MDC1: variants seen among roughly 807,000 people sequenced by gnomAD.
MDC1 encodes mediator of DNA damage checkpoint 1.
MDC1 carries 81 observed loss-of-function variants against 142.5 expected under a neutral mutation model. The ratio of observed to expected loss-of-function variants is 0.57; its 90% confidence interval spans 0.47 to 0.68. The LOEUF (loss-of-function observed/expected upper bound fraction) is 0.68, where lower values mean the gene tolerates loss of function less well. Ranked by LOEUF, MDC1 falls within the 30% of genes least tolerant of loss-of-function variation. The pLI, the probability that MDC1 is intolerant of heterozygous loss-of-function variation, is 0.00. For synonymous variants in MDC1, 797 were observed against 968.4 expected (o/e 0.82, Z 3.29); for missense variants, 2,119 against 2,547.9 (o/e 0.83, Z 3.62).
chr6:30,711,942 TG>T lies in MDC1; in HGVS notation c.1999del (p.Gln667ArgfsTer58). On this transcript the variant is annotated frameshift_variant, in exon 5 of 15. Transcript: ENST00000376406. LOFTEE classifies it high-confidence loss of function. ...TTCTCTCTCCCTTCCTGTGGGGACC[TG>T]GGCTCCCTCTCTCTGTGGCTGGGTG... ...ESTQPQREGA[Q>X]VPTGREREQH... The T allele has an allele frequency of 6.4e-7, 1 of 1,557,246 alleles. No homozygotes were observed. The highest frequency in any genetic ancestry group is 8.7e-7 in the Non-Finnish European group (1 of 1,154,640).
At position 30,712,413 on chromosome 6, in the gene MDC1, A is replaced by G. The variant is rs1255449293; in HGVS notation, c.1529T>C (p.Leu510Pro). 6.2e-7 allele frequency: 1 copy of G among 1,612,924 alleles called. No individual in the cohort carries two copies. The highest frequency in any genetic ancestry group is 8.5e-7 in the Non-Finnish European group (1 of 1,180,026). The change falls in exon 5 of 15, where the codon CTG (leucine) becomes CCG (proline). Residue 510 changes from leucine to proline, a missense_variant. Transcript: ENST00000376406. This position sits in a 1 kb window ranked among gnomAD's most constrained non-coding sequence, Gnocchi z 4.7. ...EADKSSPGIH[L>P]ERSQASTTVD... ...TGTGGTGGAGGCTTGGCTTCTCTCC[A>G]GGTGGATCCCAGGTGAGCTCTTATC...
In MDC1 at chr6:30,715,282, G is replaced by C; in HGVS notation, c.-3-104C>G. 1 of 1,199,578 alleles carries C rather than the reference G, an allele frequency of 8.3e-7. No homozygotes were observed. Among genetic ancestry groups the C allele is most frequent in the Non-Finnish European group, 1.2e-6 (1 of 822,244 alleles). 74.3% of individuals were successfully genotyped at this position (1,199,578 alleles called of 1,614,324 possible). ...GGGGGTAAACTGGATCATTATGAAC[G>C]TTGATGCTTCTCTTTCCACCAATCT... On this transcript the variant is annotated intron_variant, in intron 1 of 14. Transcript: ENST00000376406. This position sits in a 1 kb window ranked among gnomAD's most constrained non-coding sequence, Gnocchi z 4.1.
rs1490292528 is a variant in MDC1 at position 30,717,274 on chromosome 6, TA to T, written c.-34del. ...TTTAAGTCCCCGCGCGCGCCACCAG[TA>T]ACGGTCGCGACCCAGGTGGAGCGAC... On this transcript the variant is annotated 5_prime_UTR_variant, in exon 1 of 15. Coordinates refer to ENST00000376406, the MANE Select transcript of MDC1 (RefSeq NM_014641.3). 1 of 152,118 alleles carries T rather than the reference TA, an allele frequency of 6.6e-6. No homozygotes were observed. Among genetic ancestry groups the T allele is most frequent in the Non-Finnish European group, 1.5e-5 (1 of 68,016 alleles). 9.4% of individuals were successfully genotyped at this position (152,118 alleles called of 1,614,324 possible).
intron 6 of MDC1, 57 bp downstream of exon 6, chr6:30,711,610 C>T: frequency 6.2e-7 from 1 of 1,605,658 alleles, no homozygotes; most frequent in Non-Finnish European, 8.5e-7. Context: ...CAAGGACCAC[C>T]AGTCTAATCT....
chr6:30,700,591 A>G lies in MDC1; in HGVS notation c.6144T>C (p.His2048=). ...GCCCAACCCGTAGTGGAATGGAGCA[A>G]TGAGGGAAGTCCTGAGGGCATGTGA... ...VVITCPQDFP[H]CSIPLRVGLP... is the part of the protein sequence containing the mutation. Residue 2048 remains histidine, a synonymous_variant, in exon 15 of 15, where the codon CAT becomes CAC. Transcript: ENST00000376406. The G allele has an allele frequency of 6.2e-7, 1 of 1,612,986 alleles. No homozygotes were observed. Among genetic ancestry groups the G allele is most frequent in the Non-Finnish European group, 8.5e-7 (1 of 1,180,004 alleles).
chr6:30,703,460 G>A lies in MDC1; in HGVS notation c.5640C>T (p.Ser1880=). ...CTTGGTTAAGTTTGGTCCGTCGGAG[G>A]CTGCGGCTTGGTATTCTGTTGGGCT... is the stretch of plus-strand genomic sequence containing the variant. ...EEEPNRIPSR[S]LRRTKLNQES... The change falls in exon 11 of 15, where the codon AGC becomes AGT. Residue 1880 remains serine (S), a synonymous_variant. Coordinates refer to ENST00000376406, the MANE Select transcript of MDC1 (RefSeq NM_014641.3). The surrounding 1 kb of genome is among the most constrained non-coding windows in gnomAD (Gnocchi z 4.4). The A allele has an allele frequency of 1.2e-6, 2 of 1,613,948 alleles. No individual in the cohort carries two copies. The highest frequency in any genetic ancestry group is 2.2e-5 in the East Asian group (1 of 44,876).
Position 30,712,364 on chromosome 6 carries a change from C to T in MDC1, c.1578G>A (p.Glu526=). ...STTVDINTQV[E]KEVPPGSAII... Reference sequence around the variant, plus strand: ...TGGCTGACCCTGGCGGGACTTCCTTCTCCACTTGTGTGTTGATGTCCACTG... The same window carrying T: ...TGGCTGACCCTGGCGGGACTTCCTTTTCCACTTGTGTGTTGATGTCCACTG... Residue 526 remains glutamate, a synonymous_variant, in exon 5 of 15, where the codon GAG becomes GAA. Transcript: ENST00000376406. This position sits in a 1 kb window ranked among gnomAD's most constrained non-coding sequence, Gnocchi z 4.7. 1 of 1,613,122 alleles carries T rather than the reference C, an allele frequency of 6.2e-7. No individual in the cohort carries two copies. Among genetic ancestry groups the T allele is most frequent in the Non-Finnish European group, 8.5e-7 (1 of 1,180,048 alleles).
chr6:30,702,617 T>A lies in MDC1; in HGVS notation c.6038A>T (p.Gln2013Leu). The change falls in exon 14 of 15, where the codon CAG becomes CTG. Residue 2013 changes from glutamine (Q) to leucine (L), a missense_variant. Transcript: ENST00000376406. ...VTPGVQPPPP[Q>L]MGEIISCCGG... ...ACAGCAGCTAATAATCTCTCCCATCTGAGGTGGTGGTGGCTGGACTCCAGG... is the reference window on the plus strand; with the variant it reads ...ACAGCAGCTAATAATCTCTCCCATCAGAGGTGGTGGTGGCTGGACTCCAGG... 1 of 1,611,656 alleles carries A rather than the reference T, an allele frequency of 6.2e-7. No individual in the cohort carries two copies. Among genetic ancestry groups the A allele is most frequent in the Admixed American group, 1.7e-5 (1 of 59,878 alleles).
In MDC1 at chr6:30,713,769, T is replaced by C; in HGVS notation, c.517+34A>G. The C allele has an allele frequency of 6.2e-7, 1 of 1,613,552 alleles. No homozygotes were observed. Among genetic ancestry groups the C allele is most frequent in the Non-Finnish European group, 8.5e-7 (1 of 1,179,588 alleles). On this transcript the variant is annotated intron_variant, in intron 3 of 14. Coordinates refer to ENST00000376406, the MANE Select transcript of MDC1 (RefSeq NM_014641.3). The surrounding 1 kb of genome is among the most constrained non-coding windows in gnomAD (Gnocchi z 4.9). ...GACAATTGTACACTCATTATTCCTG[T>C]CTCCTCATTCTCCCTGCCAATATAC...
chr6:30,707,863 G>T lies in MDC1; in HGVS notation c.2716C>A (p.Gln906Lys). Reference sequence around the variant, plus strand: ...GCTTTGCTTGGAAGGGTCTGCTTCTGTACTTGTTTCTCTTGTATTTCCTCA... The same window carrying T: ...GCTTTGCTTGGAAGGGTCTGCTTCTTTACTTGTTTCTCTTGTATTTCCTCA... Reference protein sequence around the residue: ...TSEEIQEKQVQKQTLPSKAFE... With the variant: ...TSEEIQEKQVKKQTLPSKAFE... The change falls in exon 8 of 15, where the codon CAG (glutamine) becomes AAG (lysine). Residue 906 changes from glutamine (Q) to lysine (K), a missense_variant. Transcript: ENST00000376406. The T allele has an allele frequency of 6.2e-7, 1 of 1,613,088 alleles. No individual in the cohort carries two copies. The highest frequency in any genetic ancestry group is 2.2e-5 in the East Asian group (1 of 44,882).
rs1270731396 is a variant in MDC1, at chr6:30,703,435, C to T, written c.5665G>A (p.Glu1889Lys). The change falls in exon 11 of 15, where the codon GAA (glutamate) becomes AAA (lysine). Residue 1889 changes from glutamate (E) to lysine (K), a missense_variant. Transcript: ENST00000376406. This position sits in a 1 kb window ranked among gnomAD's most constrained non-coding sequence, Gnocchi z 4.4. ...RSLRRTKLNQ[E>K]STAPKVLFTG... ...TCTCTTACTTTGGGGGCTGTTGATT[C>T]TTGGTTAAGTTTGGTCCGTCGGAGG... The T allele has an allele frequency of 8.1e-6, 13 of 1,613,854 alleles. No individual in the cohort carries two copies. Among genetic ancestry groups the T allele is most frequent in the African/African-American group, 8.0e-5 (6 of 74,920 alleles).
rs1171780064 is a variant in MDC1 at position 30,713,748 on chromosome 6, A to T, written c.518-31T>A. On this transcript the variant is annotated intron_variant, in intron 3 of 14. Transcript: ENST00000376406. The surrounding 1 kb of genome is among the most constrained non-coding windows in gnomAD (Gnocchi z 4.9). ...AAGAACAGAAAGGAATGAGTTGACA[A>T]TTGTACACTCATTATTCCTGTCTCC... 1.9e-6 allele frequency: 3 copies of T among 1,613,886 alleles called. No individual in the cohort carries two copies. The highest frequency in any genetic ancestry group is 2.5e-6 in the Non-Finnish European group (3 of 1,179,926).
At chr6:30,701,032 G>A (rs559692569) in intron 14 of MDC1, among the ~76,000 whole-genome samples, 2 of 143,812 alleles carry the variant, frequency 1.4e-5, no homozygotes, top group African/African-American at 5.2e-5. Context: ...CCGAGATCGC[G>A]CCACTGCACT....
At position 30,706,042 on chromosome 6, in the gene MDC1, G is replaced by C; in HGVS notation, c.3141C>G (p.Ala1047=). Reference sequence around the variant, plus strand: ...GAGAGTTAAGGGGCTTTTGGGGTGGGGCTGGGGCTTCAGGTACTGTAGGAG... The same window carrying C: ...GAGAGTTAAGGGGCTTTTGGGGTGGCGCTGGGGCTTCAGGTACTGTAGGAG... The part of the protein sequence containing the change: ...CLPPTVPEAP[A]PPQKPLNSQS... The change falls in exon 10 of 15, where the codon GCC becomes GCG. Residue 1047 remains alanine, a synonymous_variant. Transcript: ENST00000376406. The C allele has an allele frequency of 6.2e-7, 1 of 1,602,432 alleles. No individual in the cohort carries two copies. The highest frequency in any genetic ancestry group is 8.5e-7 in the Non-Finnish European group (1 of 1,179,604).
rs762396598 is a variant in MDC1, at chr6:30,707,716, T to G, written c.2863A>C (p.Ser955Arg). The change falls in exon 8 of 15, where the codon AGC becomes CGC. Residue 955 changes from serine (S) to arginine (R), a missense_variant. Ser to Arg is a moderately radical substitution (Grantham distance 110). Coordinates refer to ENST00000376406, the MANE Select transcript of MDC1 (RefSeq NM_014641.3). ...GAGGCCTGCCCTTTCTGGTCCTGGC[T>G]CCCTCCCTCTGGCTCCCCTCTCTGT... ...DTQRGEPEGG[S>R]QDQKGQASSP... 1.9e-6 allele frequency: 3 copies of G among 1,612,878 alleles called. No homozygotes were observed. The highest frequency in any genetic ancestry group is 2.5e-6 in the Non-Finnish European group (3 of 1,180,032).
Position 30,708,294 on chromosome 6 carries a change from T to C in MDC1, c.2285A>G (p.Asp762Gly). ...TQPFCLRESE[D>G]SETQPFDTHL... The stretch of plus-strand genomic sequence containing the variant: ...CGTGTCAAAAGGCTGGGTCTCAGAG[T>C]CCTCAGACTCTCTCAGACAGAATGG... The change falls in exon 8 of 15, where the codon GAC becomes GGC. Residue 762 changes from aspartate to glycine, a missense_variant. Physicochemically the swap from Asp to Gly is moderately conservative, Grantham distance 94 (BLOSUM62 -1). Coordinates refer to ENST00000376406, the MANE Select transcript of MDC1 (RefSeq NM_014641.3). 1 of 1,612,534 alleles carries C rather than the reference T, an allele frequency of 6.2e-7. No homozygotes were observed. The highest frequency in any genetic ancestry group is 8.5e-7 in the Non-Finnish European group (1 of 1,179,968).
chr6:30,707,645 T>G lies in MDC1; in HGVS notation c.2934A>C (p.Gly978=). Residue 978 remains glycine (G), a synonymous_variant, in exon 8 of 15, where the codon GGA becomes GGC. Coordinates refer to ENST00000376406, the MANE Select transcript of MDC1 (RefSeq NM_014641.3). The part of the protein sequence containing the change: ...EPGVGAGDLP[G]PTSAPVPSGS... ...CAGAAGGTACGGGGGCTGAGGTAGG[T>G]CCCGGAAGGTCCCCCGCCCCCACCC... 6.2e-7 allele frequency: 1 copy of G among 1,612,956 alleles called. No individual in the cohort carries two copies. Among genetic ancestry groups the G allele is most frequent in the Non-Finnish European group, 8.5e-7 (1 of 1,179,994 alleles).
In MDC1 at chr6:30,716,814, G is replaced by T; in HGVS notation, c.-4+431C>A. ...TGAAATCGACCCTGCCCTCGGGAAGGCTCATCACCGAGCCTACTGATGAAG... is the reference window on the plus strand; with the variant it reads ...TGAAATCGACCCTGCCCTCGGGAAGTCTCATCACCGAGCCTACTGATGAAG... On this transcript the variant is annotated intron_variant, in intron 1 of 14. Coordinates refer to ENST00000376406, the MANE Select transcript of MDC1 (RefSeq NM_014641.3). This position sits in a 1 kb window ranked among gnomAD's most constrained non-coding sequence, Gnocchi z 4.4. 1.4e-6 allele frequency: 1 copy of T among 713,830 alleles called. No homozygotes were observed. Among genetic ancestry groups the T allele is most frequent in the Non-Finnish European group, 1.7e-6 (1 of 581,912 alleles). The allele number at this position is 713,830 out of a possible 1,614,324, so 44.2% of individuals were successfully genotyped here.
Position 30,715,164 on chromosome 6 carries a change from G to A in MDC1, c.12C>T (p.Thr4=). The A allele has an allele frequency of 1.2e-6, 2 of 1,613,934 alleles. No individual in the cohort carries two copies. The highest frequency in any genetic ancestry group is 1.3e-5 in the African/African-American group (1 of 74,938). Residue 4 remains threonine, a synonymous_variant, in exon 2 of 15, where the codon ACC becomes ACT. Coordinates refer to ENST00000376406, the MANE Select transcript of MDC1 (RefSeq NM_014641.3). The surrounding 1 kb of genome is among the most constrained non-coding windows in gnomAD (Gnocchi z 4.1). MED[T]QAIDWDVEEE... Reference sequence around the variant, plus strand: ...CTTCAACATCCCAGTCAATAGCCTGGGTGTCCTCCATGATCTGGGAAGGAT... The same window carrying A: ...CTTCAACATCCCAGTCAATAGCCTGAGTGTCCTCCATGATCTGGGAAGGAT...
Sources: allele counts gnomAD v4.1 joint callset (sites outside exome capture counted in the v4.1 genomes callset), GRCh38; gene constraint gnomAD v4.1.1; non-coding constraint Gnocchi (gnomAD v3.1); transcripts MANE v1.5; gene names NCBI Gene and HGNC (gene_info 2026-07-23, HGNC 2026-07-21).